Variants in ZPBP2 observed in about 807,000 individuals in gnomAD.
ZPBP2 encodes the protein zona pellucida-binding protein 2.
In ZPBP2, 34 loss-of-function variants were observed where a neutral mutation model predicts 37.5. The observed-to-expected ratio is 0.91, with a 90% CI of 0.69 to 1.21. The LOEUF (loss-of-function observed/expected upper bound fraction) is 1.21. Among genes scored for constraint, ZPBP2 ranks in the 50% most tolerant of loss-of-function variants. ZPBP2 has a pLI of 0.00. For synonymous variants in ZPBP2, 143 were observed against 138.4 expected, an observed-to-expected ratio of 1.03 and a Z score of -0.23; for missense variants, 397 against 413.5, an observed-to-expected ratio of 0.96 and a Z score of 0.35.
chr17:39,871,317 A>G (rs1568090619), intron 3 of ZPBP2, 147 bp from the exon 4 acceptor site: 2 of 545,264 alleles, frequency 3.7e-6, no homozygotes, highest in Non-Finnish European at 6.2e-6. Context: ...CCACAGAGTA[A>G]TATGACAGAA....
At position 39,872,253 on chromosome 17, in the gene ZPBP2, T is replaced by A. The variant is rs1284861185; in HGVS notation, c.407-17T>A. 6.4e-7 allele frequency: 1 copy of A among 1,563,122 alleles called. No homozygotes were observed. Among genetic ancestry groups the A allele is most frequent in the Non-Finnish European group, 8.6e-7 (1 of 1,159,274 alleles). On this transcript the variant is annotated splice_polypyrimidine_tract_variant and intron_variant, in intron 4 of 7. Coordinates refer to ENST00000348931, the MANE Select transcript of ZPBP2 (RefSeq NM_199321.3). The stretch of plus-strand genomic sequence containing the variant: ...GGTACGATTGTTTTCACTCTCATCT[T>A]TCTTTTTTTTTTAAAGCCTATCGGG...
Position 39,870,743 on chromosome 17 carries a change from G to T in ZPBP2, c.168G>T (p.Met56Ile). The T allele has an allele frequency of 6.4e-7, 1 of 1,562,192 alleles. No homozygotes were observed. Among genetic ancestry groups the T allele is most frequent in the South Asian group, 1.2e-5 (1 of 82,770 alleles). ...LHQNSPVLIC[M>I]DFKLSKKEIV... is the part of the protein sequence containing the mutation. ...AAAATAGTCCAGTCCTTATCTGTAT[G>T]GATTTTAAGCTTTCTAAAAAAGAAA... Residue 56 changes from methionine (M) to isoleucine (I), a missense_variant, in exon 3 of 8, where the codon ATG (methionine) becomes ATT (isoleucine). Physicochemically the swap from Met to Ile is conservative, Grantham distance 10. Coordinates refer to ENST00000348931, the MANE Select transcript of ZPBP2 (RefSeq NM_199321.3).
At position 39,870,811 on chromosome 17, in the gene ZPBP2, C is replaced by T. The variant is rs768553645; in HGVS notation, c.236C>T (p.Thr79Met). Residue 79 changes from threonine to methionine, a missense_variant, in exon 3 of 8, where the codon ACG becomes ATG. Thr to Met is a moderately conservative substitution (Grantham distance 81, BLOSUM62 -1). Coordinates refer to ENST00000348931, the MANE Select transcript of ZPBP2 (RefSeq NM_199321.3). Reference sequence around the variant, plus strand: ...TTATGGATTGGGCCTAATGAAAAGACGTTAACAGGTAAATTTGATTTTAAT... The same window carrying T: ...TTATGGATTGGGCCTAATGAAAAGATGTTAACAGGTAAATTTGATTTTAAT... ...TYLWIGPNEK[T>M]LTGNNRINIT... 34 of 1,506,382 alleles carry T rather than the reference C, an allele frequency of 2.3e-5. No homozygotes were observed. The highest frequency in any genetic ancestry group is 3.6e-4 in the Middle Eastern group (2 of 5,574). The allele number at this position is 1,506,382 out of a possible 1,614,324, so 93.3% of individuals were successfully genotyped here. A position where few individuals can be genotyped will look rare whatever the true frequency, so the allele number is the denominator to read the frequency against.
intron 6 of ZPBP2, among the ~76,000 whole-genome samples, chr17:39,874,357 A>G (rs939518667): frequency 3.3e-5 from 5 of 151,898 alleles, no homozygotes; most frequent in African/African-American, 1.2e-4. Context: ...AATTAGATAT[A>G]ATGAACGCCC....
rs2063383758 is a variant in ZPBP2, at chr17:39,875,241, T to C, written c.709-13T>C. On this transcript the variant is annotated splice_polypyrimidine_tract_variant and intron_variant, in intron 6 of 7. Transcript: ENST00000348931. ...TAGTAATTGTACCTTTCTCTGGTATTTTTCAACCTTAGGCAAGAGATCGAA... is the reference window on the plus strand; with the variant it reads ...TAGTAATTGTACCTTTCTCTGGTATCTTTCAACCTTAGGCAAGAGATCGAA... 1 of 1,602,792 alleles carries C rather than the reference T, an allele frequency of 6.2e-7. No individual in the cohort carries two copies. The highest frequency in any genetic ancestry group is 8.5e-7 in the Non-Finnish European group (1 of 1,175,520).
At chr17:39,874,724 C>T (rs777092964) in intron 6 of ZPBP2, among the ~76,000 whole-genome samples, 17 of 152,254 alleles carry the variant, frequency 1.1e-4, no homozygotes, top group Non-Finnish European at 2.4e-4. Context: ...TGAGCCACCA[C>T]GCCCAGCCTA....
chr17:39,872,557 A>T, intron 5 of ZPBP2, 69 bp downstream of exon 5: 1 of 1,020,038 alleles, frequency 9.8e-7, no homozygotes, highest in Non-Finnish European at 1.4e-6. Flanking sequence ...AAATTACCAT[A>T]TTAATATAAG....
chr17:39,868,417 C>T lies in ZPBP2; in HGVS notation c.52+11C>T. On this transcript the variant is annotated intron_variant, in intron 1 of 7. Transcript: ENST00000348931. ...GGTGCCTCACAGGAGGTGGGGCTCC[C>T]TCCACCCGGTCCCCAGGCCTCTCCC... is the stretch of plus-strand genomic sequence containing the variant. 3.1e-6 allele frequency: 5 copies of T among 1,611,200 alleles called. No individual in the cohort carries two copies. The highest frequency in any genetic ancestry group is 4.2e-6 in the Non-Finnish European group (5 of 1,179,958).
At chr17:39,875,537 C>T (rs1598264607) in intron 7 of ZPBP2, 103 bp downstream of exon 7, 1 of 871,990 alleles carries the variant, frequency 1.1e-6, no homozygotes, top group South Asian at 4.2e-5. Context: ...CAGTGATTCT[C>T]TTACCAAAAA....
chr17:39,875,541 C>A, intron 7 of ZPBP2, 107 bp downstream of exon 7: 7 of 853,668 alleles, frequency 8.2e-6, no homozygotes, highest in Non-Finnish European at 1.1e-5. Context: ...GATTCTCTTA[C>A]CAAAAAATAT....
In ZPBP2 at chr17:39,868,317, T is replaced by A. The variant is rs200711070; in HGVS notation, c.-38T>A. The A allele has an allele frequency of 1.0e-5, 16 of 1,601,264 alleles. No homozygotes were observed. Among genetic ancestry groups the A allele is most frequent in the Non-Finnish European group, 1.4e-5 (16 of 1,177,998 alleles). Reference sequence around the variant, plus strand: ...GCCAGGGCTGAGGTAGGAGGGAGTCTGTCCCTCGACGCCTCCTGCGACGCC... The same window carrying A: ...GCCAGGGCTGAGGTAGGAGGGAGTCAGTCCCTCGACGCCTCCTGCGACGCC... On this transcript the variant is annotated 5_prime_UTR_variant, in exon 1 of 8. Transcript: ENST00000348931.
rs892876558 is a variant in ZPBP2, at chr17:39,877,694, T to C, written c.*885T>C. On this transcript the variant is annotated 3_prime_UTR_variant, in exon 8 of 8. Coordinates refer to ENST00000348931, the MANE Select transcript of ZPBP2 (RefSeq NM_199321.3). ...TAGTTGGTTGGAGTTATGCAGTATG[T>C]AGACTTTTTAGACTGGCTTCTTTCA... 1.3e-5 allele frequency: 2 copies of C among 152,242 alleles called. No homozygotes were observed. The highest frequency in any genetic ancestry group is 2.9e-5 in the Non-Finnish European group (2 of 68,042). 9.4% of individuals were successfully genotyped at this position (152,242 alleles called of 1,614,324 possible).
chr17:39,873,269 C>T, intron 6 of ZPBP2, 143 bp downstream of exon 6: 1 of 545,384 alleles, frequency 1.8e-6, no homozygotes, highest in Admixed American at 4.2e-5. Context: ...CTCCCTCAGC[C>T]AAGGAGGAAG....
Position 39,868,397 on chromosome 17 carries a change from C to G in ZPBP2, c.43C>G (p.Leu15Val), listed in dbSNP as rs760514597. The G allele has an allele frequency of 3.7e-6, 6 of 1,610,774 alleles. No individual in the cohort carries two copies. The highest frequency in any genetic ancestry group is 1.7e-5 in the Admixed American group (1 of 60,002). Residue 15 changes from leucine to valine, a missense_variant, in exon 1 of 8, where the codon CTC becomes GTC. Leu to Val is a conservative substitution (Grantham distance 32). Transcript: ENST00000348931. ...CCTACTCTCCGCGGTGCTCTGGTGC[C>G]TCACAGGAGGTGGGGCTCCCTCCAC... ...CVLLSAVLWC[L>V]TGVQCPRFTL...
At position 39,875,439 on chromosome 17, in the gene ZPBP2, C is replaced by T. The variant is rs1237952181; in HGVS notation, c.889+5C>T. On this transcript the variant is annotated splice_donor_5th_base_variant and intron_variant, in intron 7 of 7. Transcript: ENST00000348931. The stretch of plus-strand genomic sequence containing the variant: ...GTAATTGCGCTAGCTGTTGTGGTAA[C>T]TATAAAATATAAATATCTAAACATT... 6.4e-7 allele frequency: 1 copy of T among 1,572,684 alleles called. No homozygotes were observed. Among genetic ancestry groups the T allele is most frequent in the Non-Finnish European group, 8.6e-7 (1 of 1,163,184 alleles).
chr17:39,876,331 A>G (rs1288675532), intron 7 of ZPBP2, among the ~76,000 whole-genome samples: 2 of 152,190 alleles, frequency 1.3e-5, no homozygotes, highest in Admixed American at 1.3e-4. Context: ...TGTACAATGA[A>G]GGAAAACAGA....
chr17:39,876,158 A>G (rs891867080), intron 7 of ZPBP2, among the ~76,000 whole-genome samples: 2 of 151,926 alleles, frequency 1.3e-5, no homozygotes, highest in African/African-American at 4.8e-5. Context: ...GGCTCAAGCA[A>G]TCTGCCCGCC....
chr17:39,872,691 G>A (rs1338285493), intron 5 of ZPBP2, among the ~76,000 whole-genome samples: 1 of 152,022 alleles, frequency 6.6e-6, no homozygotes, highest in African/African-American at 2.4e-5. Context: ...ACATATTGTT[G>A]CTTCTTAAAA....
chr17:39,872,938 T>C (rs2063371944), intron 5 of ZPBP2, 106 bp from the exon 6 acceptor site: 1 of 906,164 alleles, frequency 1.1e-6, no homozygotes, highest in Non-Finnish European at 1.7e-6. Flanking sequence ...ATAGCTGGAC[T>C]AAACATGTGC....
Sources: allele counts gnomAD v4.1 joint callset (sites outside exome capture counted in the v4.1 genomes callset), GRCh38; gene constraint gnomAD v4.1.1; transcripts MANE v1.5; gene names NCBI Gene and HGNC (gene_info 2026-07-23, HGNC 2026-07-21).